Variants in SRC observed in about 807,000 individuals in gnomAD.
SRC encodes the protein proto-oncogene tyrosine-protein kinase Src.
SRC carries 13 observed loss-of-function variants against 62.9 expected under a neutral mutation model. That is an observed-to-expected ratio of 0.21 (90% CI 0.13 to 0.33). SRC has a LOEUF of 0.33. SRC is among the 10% of genes least tolerant of loss of function. The pLI is 1.00. For synonymous variants in SRC, 302 were observed against 317.5 expected, an observed-to-expected ratio of 0.95 and a Z score of 0.52; for missense variants, 457 against 737.3, an observed-to-expected ratio of 0.62 and a Z score of 4.40.
intron 2 of SRC, among the ~76,000 whole-genome samples, chr20:37,369,107 A>G (rs1423281836): frequency 6.6e-6 from 1 of 152,148 alleles, no homozygotes; most frequent in Non-Finnish European, 1.5e-5. Flanking sequence ...TACAGTTTTG[A>G]AATTGAAAAG....
At chr20:37,354,451 T>C (rs555482305) in intron 1 of SRC, among the ~76,000 whole-genome samples, 2 of 152,280 alleles carry the variant, frequency 1.3e-5, no homozygotes, top group African/African-American at 4.8e-5. Context: ...GAGGCAGCAC[T>C]CAACAGCTGC....
intron 2 of SRC, among the ~76,000 whole-genome samples, chr20:37,370,136 T>C (rs751189244): frequency 6.6e-6 from 1 of 152,244 alleles, no homozygotes; most frequent in Non-Finnish European, 1.5e-5. Flanking sequence ...TTTATCTGGG[T>C]GAGGAGGTTC....
chr20:37,393,858 C>G, intron 5 of SRC, 37 bp from the exon 6 acceptor site: 1 of 1,531,078 alleles, frequency 6.5e-7, no homozygotes, highest in Non-Finnish European at 9.0e-7. Context: ...GCTGACGGCT[C>G]CCTTCTCCTT....
intron 2 of SRC, among the ~76,000 whole-genome samples, chr20:37,373,265 T>TACAC (rs1281670800): frequency 5.3e-5 from 5 of 94,992 alleles, no homozygotes; most frequent in African/African-American, 9.3e-5. Flanking sequence ...CACATGTACA[T>TACAC]ACGCACACAC....
intron 5 of SRC, among the ~76,000 whole-genome samples, chr20:37,391,013 G>A (rs1029103104): frequency 6.6e-6 from 1 of 152,190 alleles, no homozygotes; most frequent in Non-Finnish European, 1.5e-5. Flanking sequence ...GCTGACTCTG[G>A]GGAGCTGGGA....
intron 2 of SRC, among the ~76,000 whole-genome samples, chr20:37,373,150 A>G (rs1289135375): frequency 2.2e-5 from 3 of 133,846 alleles, no homozygotes; most frequent in Non-Finnish European, 4.6e-5. Context: ...ATGTACATAT[A>G]CACACATACA....
chr20:37,353,553 T>C (rs1243124652), intron 1 of SRC, among the ~76,000 whole-genome samples: 1 of 152,042 alleles, frequency 6.6e-6, no homozygotes, highest in African/African-American at 2.4e-5. Context: ...TCAGCCAGCG[T>C]TCATTCCTCC....
intron 2 of SRC, among the ~76,000 whole-genome samples, chr20:37,367,459 T>C (rs2070081643): frequency 6.6e-6 from 1 of 152,060 alleles, no homozygotes; most frequent in African/African-American, 2.4e-5. Flanking sequence ...ATATCTTCTT[T>C]GGAGGAATGT....
At position 37,402,249 on chromosome 20, in the gene SRC, C is replaced by T; in HGVS notation, c.1117-186C>T. On this transcript the variant is annotated intron_variant, in intron 11 of 13. Transcript: ENST00000373578. This position sits in a 1 kb window ranked among gnomAD's most constrained non-coding sequence, Gnocchi z 6.2. Reference sequence around the variant, plus strand: ...CCCTCTGCTCTGTGCCCTGTGCTCCCTACTCCCGCAGAGCACTGCTCCTGC... The same window carrying T: ...CCCTCTGCTCTGTGCCCTGTGCTCCTTACTCCCGCAGAGCACTGCTCCTGC... The T allele has an allele frequency of 1.5e-6, 1 of 654,176 alleles. No homozygotes were observed. Among genetic ancestry groups the T allele is most frequent in the African/African-American group, 1.8e-5 (1 of 54,936 alleles). 40.5% of individuals were successfully genotyped at this position (654,176 alleles called of 1,614,324 possible).
chr20:37,403,682 G>T lies in SRC; in HGVS notation c.*303G>T. 2.2e-6 allele frequency: 1 copy of T among 446,026 alleles called. No individual in the cohort carries two copies. The highest frequency in any genetic ancestry group is 4.1e-6 in the Non-Finnish European group (1 of 243,932). The allele number at this position is 446,026 out of a possible 1,614,324, so 27.6% of individuals were successfully genotyped here. A position where few individuals can be genotyped will look rare whatever the true frequency, so the allele number is the denominator to read the frequency against. The stretch of plus-strand genomic sequence containing the variant: ...CTCTGGAAGAGGAACCAGGAGAAGG[G>T]CTGGGGCCGGGGCTGAGGGTGCCCT... On this transcript the variant is annotated 3_prime_UTR_variant, in exon 14 of 14. Coordinates refer to ENST00000373578, the MANE Select transcript of SRC (RefSeq NM_198291.3). This position sits in a 1 kb window ranked among gnomAD's most constrained non-coding sequence, Gnocchi z 7.1.
intron 2 of SRC, among the ~76,000 whole-genome samples, chr20:37,369,090 G>GTTGT: frequency 6.6e-6 from 1 of 152,282 alleles, no homozygotes; most frequent in Admixed American, 6.5e-5. Context: ...TGCTGTTACT[G>GTTGT]TTGTTTTACA....
At chr20:37,394,300 AC>A in intron 7 of SRC, 23 bp downstream of exon 7, 7 of 1,598,370 alleles carry the variant, frequency 4.4e-6, no homozygotes, top group Non-Finnish European at 6.0e-6. Flanking sequence ...TTGCTGGCCA[AC>A]GGATACTGAG....
At chr20:37,373,337 TAC>T (rs201998486) in intron 2 of SRC, among the ~76,000 whole-genome samples, 8,614 of 151,122 alleles carry the variant, frequency 0.057, 262 homozygotes, top group African/African-American at 0.066. Context: ...TACACACATG[TAC>T]ACACACATAT....
At chr20:37,363,294 C>A (rs2070005994) in intron 1 of SRC, among the ~76,000 whole-genome samples, 1 of 152,354 alleles carries the variant, frequency 6.6e-6, no homozygotes, top group Admixed American at 6.5e-5. Flanking sequence ...CCCCGGGCCC[C>A]CTCGTGCCTA....
intron 2 of SRC, among the ~76,000 whole-genome samples, chr20:37,372,149 C>T (rs1290175677): frequency 6.6e-6 from 1 of 151,974 alleles, no homozygotes; most frequent in African/African-American, 2.4e-5. Context: ...CGGCAGGTGC[C>T]ACCATGCCTG....
rs781455991 is a variant in SRC, at chr20:37,400,248, G to A, written c.993G>A (p.Val331=). 3 of 1,613,912 alleles carry A rather than the reference G, an allele frequency of 1.9e-6. No homozygotes were observed. In the Admixed American group the frequency reaches 5.0e-5, roughly 27 times the overall value. The stretch of plus-strand genomic sequence containing the variant: ...AGAAGCTGGTGCAGTTGTATGCTGT[G>A]GTTTCAGAGGAGCCCATTTACATCG... ...RHEKLVQLYA[V]VSEEPIYIVT... The change falls in exon 10 of 14, where the codon GTG becomes GTA. Residue 331 remains valine, a synonymous_variant. Coordinates refer to ENST00000373578, the MANE Select transcript of SRC (RefSeq NM_198291.3).
At chr20:37,380,970 G>A (rs1181586999) in intron 2 of SRC, among the ~76,000 whole-genome samples, 3 of 151,808 alleles carry the variant, frequency 2.0e-5, no homozygotes, top group East Asian at 1.9e-4. Context: ...AGCATGTTCC[G>A]TGTACTTTTC....
intron 2 of SRC, among the ~76,000 whole-genome samples, chr20:37,382,219 C>T (rs547727197): frequency 1.3e-4 from 17 of 130,284 alleles, no homozygotes; most frequent in African/African-American, 6.3e-4. Context: ...TCAATAACGG[C>T]TGAGGTGACC....
intron 2 of SRC, among the ~76,000 whole-genome samples, chr20:37,373,328 A>G (rs1380109378): frequency 2.0e-5 from 3 of 149,474 alleles, no homozygotes; most frequent in South Asian, 2.1e-4. Context: ...GTACACACAT[A>G]CACACATGTA....
Sources: allele counts gnomAD v4.1 joint callset (sites outside exome capture counted in the v4.1 genomes callset), GRCh38; gene constraint gnomAD v4.1.1; non-coding constraint Gnocchi (gnomAD v3.1); transcripts MANE v1.5; gene names NCBI Gene and HGNC (gene_info 2026-07-23, HGNC 2026-07-21).